Variants in TMCC2 observed in about 807,000 individuals in gnomAD.
TMCC2 encodes the protein transmembrane and coiled-coil domains protein 2.
TMCC2 carries 16 observed loss-of-function variants against 49.4 expected under a neutral mutation model. That is an observed-to-expected ratio of 0.32 (90% CI 0.22 to 0.49). The LOEUF (loss-of-function observed/expected upper bound fraction) is 0.49. Ranked by LOEUF, TMCC2 falls within the 20% of genes least tolerant of loss-of-function variation. The pLI is 0.99. For missense variants in TMCC2, 762 were observed against 989.8 expected (o/e 0.77, Z 3.09); for synonymous variants, 397 against 434.1 (o/e 0.91, Z 1.06).
At position 205,228,718 on chromosome 1, in the gene TMCC2, G is replaced by C. The variant is rs1225976508; in HGVS notation, c.154G>C (p.Gly52Arg). Residue 52 changes from glycine (G) to arginine (R), a missense_variant, in exon 1 of 5, where the codon GGC becomes CGC. Physicochemically the swap from Gly to Arg is moderately radical, Grantham distance 125. Around this residue, in one of 2 missense-constraint regions of TMCC2, gnomAD observed 322 missense variants for 353.1 expected, o/e 0.91. Transcript: ENST00000358024. ...TGCTGGCGGGCCAACTTCAGACGCC[G>C]GCGCTGCCGCGGCGCCCAACCCAGG... ...NSAGGPTSDAGAAAAPNPGPR... is the reference protein window; with the variant it reads ...NSAGGPTSDARAAAAPNPGPR... 2 of 1,610,986 alleles carry C rather than the reference G, an allele frequency of 1.2e-6. No individual in the cohort carries two copies. The highest frequency in any genetic ancestry group is 1.7e-4 in the Middle Eastern group (1 of 5,980).
At chr1:205,260,499 A>G (rs1036416374) in intron 2 of TMCC2, among the ~76,000 whole-genome samples, 1 of 152,202 alleles carries the variant, frequency 6.6e-6, no homozygotes, top group African/African-American at 2.4e-5. Context: ...GAGCTGAAGG[A>G]CCCAGAGACC....
chr1:205,251,084 A>C (rs575471412), intron 2 of TMCC2, among the ~76,000 whole-genome samples: 1 of 152,286 alleles, frequency 6.6e-6, no homozygotes, highest in African/African-American at 2.4e-5. Context: ...TCTTCTTTTC[A>C]TAGGCATATT....
intron 2 of TMCC2, among the ~76,000 whole-genome samples, chr1:205,266,459 G>A (rs1480798270): frequency 2.6e-5 from 4 of 151,732 alleles, no homozygotes; most frequent in South Asian, 2.1e-4. Context: ...CGGGCGTGGC[G>A]GCTCATGCCT....
intron 2 of TMCC2, among the ~76,000 whole-genome samples, chr1:205,258,251 G>A (rs1048353561): frequency 5.9e-5 from 9 of 152,106 alleles, no homozygotes; most frequent in African/African-American, 1.9e-4. Context: ...GTTTGCACCT[G>A]AAATCCCCTT....
intron 2 of TMCC2, among the ~76,000 whole-genome samples, chr1:205,251,575 A>C (rs1243608627): frequency 6.6e-6 from 1 of 152,230 alleles, no homozygotes; most frequent in Non-Finnish European, 1.5e-5. Flanking sequence ...TCCTTTGGGC[A>C]TCTGGAAAGG....
intron 2 of TMCC2, among the ~76,000 whole-genome samples, chr1:205,258,831 C>T (rs1240586217): frequency 3.9e-5 from 6 of 152,198 alleles, no homozygotes; most frequent in Non-Finnish European, 7.3e-5. Flanking sequence ...GTAGGCTTTC[C>T]TCTCCATCCT....
chr1:205,265,856 G>T (rs1477578601), intron 2 of TMCC2, among the ~76,000 whole-genome samples: 2 of 151,610 alleles, frequency 1.3e-5, no homozygotes, highest in Non-Finnish European at 2.9e-5. Flanking sequence ...ACTGCACCTG[G>T]CCCCAGAACC....
At chr1:205,257,170 C>T (rs1169205613) in intron 2 of TMCC2, 12 of 1,232,348 alleles carry the variant, frequency 9.7e-6, no homozygotes, top group South Asian at 4.1e-5. Context: ...TAGAGCAATC[C>T]GCCCCTAATC....
In TMCC2 at chr1:205,269,351, G is replaced by T; in HGVS notation, c.1149G>T (p.Gly383=). 6.2e-7 allele frequency: 1 copy of T among 1,612,604 alleles called. No homozygotes were observed. Among genetic ancestry groups the T allele is most frequent in the Non-Finnish European group, 8.5e-7 (1 of 1,179,484 alleles). Residue 383 remains glycine (G), a synonymous_variant, in exon 3 of 5, where the codon GGG becomes GGT. Coordinates refer to ENST00000358024, the MANE Select transcript of TMCC2 (RefSeq NM_014858.4). ...PKDVLRDMQQ[G]LKDVGANVRA... is the part of the protein sequence containing the mutation. The stretch of plus-strand genomic sequence containing the variant: ...ACGTGCTGCGGGACATGCAGCAGGG[G>T]CTGAAGGACGTGGGCGCCAACGTGC...
intron 2 of TMCC2, among the ~76,000 whole-genome samples, chr1:205,255,157 C>T (rs1272775002): frequency 1.4e-5 from 2 of 145,516 alleles, no homozygotes; most frequent in African/African-American, 5.1e-5. Context: ...GAGGTGTGAT[C>T]GTGCCACTGC....
In TMCC2 at chr1:205,242,015, G is replaced by A; in HGVS notation, c.718G>A (p.Ala240Thr). 1 of 1,602,060 alleles carries A rather than the reference G, an allele frequency of 6.2e-7. No homozygotes were observed. Among genetic ancestry groups the A allele is most frequent in the Non-Finnish European group, 8.5e-7 (1 of 1,174,656 alleles). Residue 240 changes from alanine (A) to threonine (T), a missense_variant, in exon 2 of 5, where the codon GCT becomes ACT. This residue lies in a region of TMCC2 where 322 missense variants were observed against 353.1 expected (regional missense o/e 0.91). Transcript: ENST00000358024. ...CGACGGCAGCAACGTGTACCTCCTG[G>A]CTGAGGAGGCCGAAGGCATCGGGGA... ...LADGSNVYLLAEEAEGIGDKV... is the reference protein window; with the variant it reads ...LADGSNVYLLTEEAEGIGDKV...
At position 205,228,579 on chromosome 1, in the gene TMCC2, A is replaced by C. The variant is rs1451661216; in HGVS notation, c.15A>C (p.Arg5Ser). The C allele has an allele frequency of 6.2e-7, 1 of 1,610,698 alleles. No homozygotes were observed. Among genetic ancestry groups the C allele is most frequent in the Admixed American group, 1.7e-5 (1 of 59,910 alleles). Residue 5 changes from arginine to serine, a missense_variant, in exon 1 of 5, where the codon AGA (arginine) becomes AGC (serine). Physicochemically the swap from Arg to Ser is moderately radical, Grantham distance 110. This residue lies in a region of TMCC2 where 322 missense variants were observed against 353.1 expected (regional missense o/e 0.91). Transcript: ENST00000358024. ...CCACATACACCATGAAGAGGTGCAG[A>C]TCGGACGAGCTGCAGCAACAACAGG... MKRC[R>S]SDELQQQQGE...
In TMCC2 at chr1:205,252,646, G is replaced by A. The variant is rs530955342; in HGVS notation, c.747+10602G>A. On this transcript the variant is annotated intron_variant, in intron 2 of 4. Transcript: ENST00000358024. ...GAAGCCGCCAGCCTTTCAAAGAGGA[G>A]TCCTCACTGGCAGATTTTCACAGCA... is the stretch of plus-strand genomic sequence containing the variant. Among the ~76,000 whole-genome samples, 13 of 152,328 alleles carry A rather than the reference G, an allele frequency of 8.5e-5. No individual in the cohort carries two copies. In the South Asian group the frequency reaches 2.7e-3, roughly 32 times the overall value.
rs139052933 is a variant in TMCC2, at chr1:205,268,114, C to T, written c.748-836C>T. The T allele has an allele frequency of 1.7e-4, 168 of 979,256 alleles. 1 individual carries two copies. In the African/African-American group the frequency reaches 2.7e-3, roughly 16 times the overall value. The allele number at this position is 979,256 out of a possible 1,614,324, so 60.7% of individuals were successfully genotyped here. A position where few individuals can be genotyped will look rare whatever the true frequency, so the allele number is the denominator to read the frequency against. ...AGAGGCAGGGTGGCCCGCTGAGCTG[C>T]GTTGTTAGTGAACATGGGGTGGCGA... On this transcript the variant is annotated intron_variant, in intron 2 of 4. Transcript: ENST00000358024.
At chr1:205,243,428 G>A (rs894204260) in intron 2 of TMCC2, among the ~76,000 whole-genome samples, 3 of 152,164 alleles carry the variant, frequency 2.0e-5, no homozygotes, top group South Asian at 4.1e-4. Context: ...AGATTGGGAA[G>A]GGAGTGCAGG....
chr1:205,228,882 A>G (rs1304283431), intron 1 of TMCC2, 111 bp downstream of exon 1: 2 of 1,452,444 alleles, frequency 1.4e-6, no homozygotes, highest in Non-Finnish European at 9.1e-7. Context: ...GGCAAAGGTC[A>G]GAGAGGATGA....
intron 3 of TMCC2, 124 bp from the exon 4 acceptor site, chr1:205,270,996 G>C (rs1231927874): frequency 2.2e-6 from 3 of 1,360,538 alleles, no homozygotes; most frequent in African/African-American, 2.9e-5. Flanking sequence ...AATTAGAACA[G>C]AGCAGAGCTG....
At chr1:205,238,996 T>C (rs1040077450) in intron 1 of TMCC2, among the ~76,000 whole-genome samples, 9 of 152,206 alleles carry the variant, frequency 5.9e-5, no homozygotes, top group Non-Finnish European at 8.8e-5. Context: ...CAAGGCAATA[T>C]GGCAGACATC....
intron 2 of TMCC2, chr1:205,267,871 C>T (rs1245372569): frequency 1.2e-5 from 12 of 985,170 alleles, no homozygotes; most frequent in Non-Finnish European, 1.4e-5. Context: ...CTAGTAGCCT[C>T]AGGCCCCCAA....
Sources: gnomAD v4.1 joint callset for allele counts (sites outside exome capture counted in the v4.1 genomes callset) on GRCh38, gnomAD v4.1.1 for gene constraint, gnomAD v4.1.1 regional missense constraint, MANE v1.5 for transcripts, NCBI Gene and HGNC (gene_info 2026-07-23, HGNC 2026-07-21) for gene names.